The following PDE4D variants were observed in gnomAD, a reference collection of about 807,000 sequenced individuals.
PDE4D encodes the protein 3',5'-cyclic-AMP phosphodiesterase 4D.
A neutral mutation model predicts 87.4 loss-of-function variants in PDE4D; 24 were observed. The ratio of observed to expected loss-of-function variants is 0.27; its 90% CI spans 0.20 to 0.39. PDE4D has a LOEUF of 0.39. PDE4D is among the 10% of genes least tolerant of loss of function. The pLI, the probability that PDE4D is intolerant of heterozygous loss-of-function variation, is 1.00. For missense variants in PDE4D, 714 were observed against 1,041.0 expected, an observed-to-expected ratio of 0.69 and a Z score of 4.32; for synonymous variants, 384 against 383.2, an observed-to-expected ratio of 1.00 and a Z score of -0.02.
At chr5:59,304,118 G>A (rs1770801678) in intron 1 of PDE4D, among the ~76,000 whole-genome samples, 1 of 151,754 alleles carries the variant, frequency 6.6e-6, no homozygotes, top group African/African-American at 2.4e-5. Flanking sequence ...CCTTTGTTAG[G>A]TATATTCTTA....
chr5:60,230,596 A>G (rs931675596), intron 1 of PDE4D, among the ~76,000 whole-genome samples: 1 of 152,108 alleles, frequency 6.6e-6, no homozygotes, highest in East Asian at 1.9e-4. Flanking sequence ...TTGACATAAC[A>G]CTTTTAGGAA....
At chr5:59,213,321 C>A (rs1750502413) in intron 2 of PDE4D, among the ~76,000 whole-genome samples, 1 of 151,884 alleles carries the variant, frequency 6.6e-6, no homozygotes, top group Admixed American at 6.6e-5. Flanking sequence ...CCACCATGCC[C>A]AGCTATTTTT....
intron 1 of PDE4D, among the ~76,000 whole-genome samples, chr5:59,358,028 C>A (rs1235776908): frequency 6.6e-6 from 1 of 152,190 alleles, no homozygotes; most frequent in South Asian, 2.1e-4. Flanking sequence ...ACCATATCTG[C>A]AAATTTTGAG....
At chr5:59,160,183 C>G (rs1048281285) in intron 5 of PDE4D, among the ~76,000 whole-genome samples, 3 of 152,120 alleles carry the variant, frequency 2.0e-5, no homozygotes, top group African/African-American at 7.2e-5. Flanking sequence ...GATAAACTAG[C>G]CTTAAATTCA....
intron 2 of PDE4D, among the ~76,000 whole-genome samples, chr5:60,030,179 G>A (rs1183222828): frequency 2.0e-5 from 3 of 152,234 alleles, no homozygotes; most frequent in East Asian, 1.9e-4. Context: ...GGCCGGGCGC[G>A]GTGGCTCACG....
chr5:59,646,653 A>G (rs1290083114), intron 1 of PDE4D, among the ~76,000 whole-genome samples: 2 of 152,154 alleles, frequency 1.3e-5, no homozygotes, highest in Non-Finnish European at 2.9e-5. Flanking sequence ...AACGTTTTGA[A>G]CGCTTGTTTG....
intron 1 of PDE4D, among the ~76,000 whole-genome samples, chr5:59,837,196 T>C (rs1230640857): frequency 1.3e-5 from 2 of 151,992 alleles, no homozygotes; most frequent in Non-Finnish European, 2.9e-5. Flanking sequence ...TCAGTCCTGG[T>C]TTTTCATTTA....
At chr5:59,326,105 C>T (rs7710342) in intron 1 of PDE4D, among the ~76,000 whole-genome samples, 3,369 of 151,678 alleles carry the variant, frequency 0.022, 59 homozygotes, top group Non-Finnish European at 0.03. Context: ...CATCACACAC[C>T]GGGGACTGTT....
At chr5:60,024,605 A>T (rs13164245) in intron 2 of PDE4D, among the ~76,000 whole-genome samples, 43,779 of 151,982 alleles carry the variant, frequency 0.29, 7,108 homozygotes, top group East Asian at 0.74. Flanking sequence ...GATTTAAGGC[A>T]TCATGTAACA....
intron 1 of PDE4D, among the ~76,000 whole-genome samples, chr5:59,267,578 A>G (rs540656996): frequency 2.0e-5 from 3 of 152,228 alleles, no homozygotes; most frequent in Admixed American, 2.0e-4. Context: ...TATGAAATGA[A>G]AAAAGACCAA....
At chr5:60,117,433 C>T (rs973196214) in intron 2 of PDE4D, among the ~76,000 whole-genome samples, 1 of 151,926 alleles carries the variant, frequency 6.6e-6, no homozygotes, top group Non-Finnish European at 1.5e-5. Context: ...TTTTCTTTAT[C>T]CTACCACCTC....
intron 2 of PDE4D, among the ~76,000 whole-genome samples, chr5:60,095,182 A>C (rs990586360): frequency 3.3e-5 from 5 of 151,930 alleles, no homozygotes; most frequent in Non-Finnish European, 7.4e-5. Context: ...TATTTCTCCT[A>C]ATGTTATCCT....
At chr5:60,116,822 G>A (rs57644111) in intron 2 of PDE4D, among the ~76,000 whole-genome samples, 49 of 152,016 alleles carry the variant, frequency 3.2e-4, no homozygotes, top group Non-Finnish European at 6.3e-4. Context: ...ACACCAGTTT[G>A]CATCTATCAT....
intron 1 of PDE4D, among the ~76,000 whole-genome samples, chr5:60,464,525 T>C (rs1692942699): frequency 6.6e-6 from 1 of 152,158 alleles, no homozygotes; most frequent in African/African-American, 2.4e-5. Flanking sequence ...TGGCACTGTT[T>C]TGAAGTTCAG....
At chr5:60,385,887 C>A (rs1762158197) in intron 1 of PDE4D, among the ~76,000 whole-genome samples, 1 of 152,038 alleles carries the variant, frequency 6.6e-6, no homozygotes, top group African/African-American at 2.4e-5. Context: ...TTCCTTGTAC[C>A]CTAGCTGGGC....
chr5:59,962,500 G>GA (rs1481778912), intron 3 of PDE4D, among the ~76,000 whole-genome samples: 1 of 151,724 alleles, frequency 6.6e-6, no homozygotes, highest in African/African-American at 2.4e-5. Context: ...CGAATGCCCT[G>GA]AAATCTTACG....
At chr5:60,512,996 A>G (rs1750642184) in intron 1 of PDE4D, among the ~76,000 whole-genome samples, 1 of 152,202 alleles carries the variant, frequency 6.6e-6, no homozygotes, top group Admixed American at 6.5e-5. Context: ...AAAAGTGGAA[A>G]ATAATAATAA....
At chr5:59,155,098 T>G (rs977464941) in intron 5 of PDE4D, among the ~76,000 whole-genome samples, 3 of 152,102 alleles carry the variant, frequency 2.0e-5, no homozygotes, top group African/African-American at 7.2e-5. Context: ...ATTGGGGAAG[T>G]GCCTACTCTG....
chr5:59,358,737 G>A (rs1360710954), intron 1 of PDE4D, among the ~76,000 whole-genome samples: 1 of 151,928 alleles, frequency 6.6e-6, no homozygotes, highest in African/African-American at 2.4e-5. Context: ...GTGTGAAAGG[G>A]AGGGGGAGGG....
Sources: gnomAD v4.1 joint callset for allele counts (sites outside exome capture counted in the v4.1 genomes callset) on GRCh38, gnomAD v4.1.1 for gene constraint, MANE v1.5 for transcripts, NCBI Gene and HGNC (gene_info 2026-07-23, HGNC 2026-07-21) for gene names.